Variants in MEIS1 observed in about 807,000 individuals in gnomAD.
MEIS1 encodes Meis homeobox 1.
MEIS1 carries 5 observed loss-of-function variants against 50.8 expected under a neutral mutation model. The ratio of observed to expected loss-of-function variants is 0.10; its 90% confidence interval spans 0.05 to 0.21. The LOEUF (loss-of-function observed/expected upper bound fraction) is 0.21, where lower values mean the gene tolerates loss of function less well. Ranked by LOEUF, MEIS1 falls within the 10% of genes least tolerant of loss-of-function variation. MEIS1 has a pLI of 1.00. For missense variants in MEIS1, 318 were observed against 517.3 expected, an observed-to-expected ratio of 0.61 and a Z score of 3.74; for synonymous variants, 176 against 179.3, an observed-to-expected ratio of 0.98 and a Z score of 0.15.
intron 8 of MEIS1, among the ~76,000 whole-genome samples, chr2:66,530,851 A>T (rs747932299): frequency 1.1e-4 from 16 of 152,230 alleles, no homozygotes; most frequent in Admixed American, 3.3e-4. Flanking sequence ...GGAAGTTAAC[A>T]TGCAGTTATT....
chr2:66,521,538 G>C (rs928878342), intron 8 of MEIS1, among the ~76,000 whole-genome samples: 1 of 152,154 alleles, frequency 6.6e-6, no homozygotes, highest in African/African-American at 2.4e-5. Flanking sequence ...CCACTCTGGG[G>C]TATGACACCG....
At position 66,439,930 on chromosome 2, in the gene MEIS1, G is replaced by A; in HGVS notation, c.327G>A (p.Gly109=). Residue 109 remains glycine, a synonymous_variant, in exon 3 of 13, where the codon GGG becomes GGA. Transcript: ENST00000272369. ...CTPREPGVAG[G]DVCSSESFNE... ...CCCGCGAGCCGGGGGTGGCGGGCGG[G>A]GACGTCTGCTCGTCAGAGTCATTCA... is the stretch of plus-strand genomic sequence containing the variant. 1 of 1,613,542 alleles carries A rather than the reference G, an allele frequency of 6.2e-7. No homozygotes were observed. Among genetic ancestry groups the A allele is most frequent in the Non-Finnish European group, 8.5e-7 (1 of 1,179,728 alleles).
At chr2:66,543,139 C>G (rs1024939597) in intron 8 of MEIS1, among the ~76,000 whole-genome samples, 1 of 152,134 alleles carries the variant, frequency 6.6e-6, no homozygotes, top group Non-Finnish European at 1.5e-5. Flanking sequence ...CTGTCACTTT[C>G]TATTTGCGGC....
intron 6 of MEIS1, among the ~76,000 whole-genome samples, chr2:66,460,289 G>A (rs1672488375): frequency 6.6e-6 from 1 of 152,162 alleles, no homozygotes; most frequent in Admixed American, 6.5e-5. Context: ...TCTCACTCAT[G>A]GAGGAGTCAG....
At chr2:66,451,943 T>C (rs1292579617) in intron 6 of MEIS1, among the ~76,000 whole-genome samples, 1 of 152,030 alleles carries the variant, frequency 6.6e-6, no homozygotes, top group Non-Finnish European at 1.5e-5. Flanking sequence ...AAAAAAGCTC[T>C]GTGTTTCATA....
intron 8 of MEIS1, among the ~76,000 whole-genome samples, chr2:66,526,867 T>C (rs1233555487): frequency 6.6e-6 from 1 of 152,168 alleles, no homozygotes; most frequent in African/African-American, 2.4e-5. Flanking sequence ...AATCAATTCA[T>C]TTACTTCTCT....
In MEIS1 at chr2:66,571,447, C is replaced by T. The variant is rs1214738360; in HGVS notation, c.*239C>T. On this transcript the variant is annotated 3_prime_UTR_variant, in exon 13 of 13. Transcript: ENST00000272369. The stretch of plus-strand genomic sequence containing the variant: ...GGAGGACCGCCCCACCCTGGAATGC[C>T]AATGTCAGCATCAAGCCCCACAGTT... The T allele has an allele frequency of 6.2e-7, 1 of 1,604,120 alleles. No individual in the cohort carries two copies. Among genetic ancestry groups the T allele is most frequent in the Admixed American group, 1.7e-5 (1 of 58,150 alleles).
At chr2:66,557,282 G>T (rs1675090570) in intron 9 of MEIS1, among the ~76,000 whole-genome samples, 1 of 152,266 alleles carries the variant, frequency 6.6e-6, no homozygotes, top group African/African-American at 2.4e-5. Context: ...GCTTTATTGA[G>T]ATATAATTCA....
In MEIS1 at chr2:66,542,793, C is replaced by CTTGG. The variant is rs558323575; in HGVS notation, c.889-5147_889-5144dup. ...GGTGAGGGAGGGGATGTTATTGAAA[C>CTTGG]TTGGTTACCAGGGTAGATAAGATAA... On this transcript the variant is annotated intron_variant, in intron 8 of 12. Transcript: ENST00000272369. Among the ~76,000 whole-genome samples, 262 of 152,240 alleles carry CTTGG rather than the reference C, an allele frequency of 1.7e-3. 1 individual carries two copies. The highest frequency in any genetic ancestry group is 6.0e-3 in the African/African-American group (251 of 41,538).
At position 66,549,666 on chromosome 2, in the gene MEIS1, C is replaced by T. The variant is rs996448294; in HGVS notation, c.965+1647C>T. On this transcript the variant is annotated intron_variant, in intron 9 of 12. Coordinates refer to ENST00000272369, the MANE Select transcript of MEIS1 (RefSeq NM_002398.3). ...ATACAATGGAGGCTGCACAAATGTC[C>T]GCATTTCCCTGGGAAGTGTTCCTGT... Among the ~76,000 whole-genome samples, 6 of 152,162 alleles carry T rather than the reference C, an allele frequency of 3.9e-5. No individual in the cohort carries two copies. In the East Asian group the frequency reaches 5.8e-4, roughly 15 times the overall value.
chr2:66,501,654 A>G (rs916733116), intron 7 of MEIS1, among the ~76,000 whole-genome samples: 20 of 147,432 alleles, frequency 1.4e-4, no homozygotes, highest in Admixed American at 1.2e-3. Context: ...ATGATTCAGA[A>G]AAAAAAAAAA....
In MEIS1 at chr2:66,435,791, T is replaced by C; in HGVS notation, c.-66T>C. 3 of 1,287,034 alleles carry C rather than the reference T, an allele frequency of 2.3e-6. No individual in the cohort carries two copies. In the South Asian group the frequency reaches 4.4e-5, roughly 19 times the overall value. The allele number at this position is 1,287,034 out of a possible 1,614,324, so 79.7% of individuals were successfully genotyped here. On this transcript the variant is annotated 5_prime_UTR_variant, in exon 1 of 13. Transcript: ENST00000272369. ...TTCCGGGGGAGTTTGAATATTTGTT[T>C]CTTTTCACACTGGCCTTAAAGAGGA...
intron 7 of MEIS1, among the ~76,000 whole-genome samples, chr2:66,482,061 C>T (rs1673030089): frequency 6.6e-6 from 1 of 151,856 alleles, no homozygotes; most frequent in Non-Finnish European, 1.5e-5. Context: ...GGGGTTTCAC[C>T]ATGTTGGCCA....
At chr2:66,519,444 T>C (rs1374502114) in intron 8 of MEIS1, among the ~76,000 whole-genome samples, 1 of 152,070 alleles carries the variant, frequency 6.6e-6, no homozygotes, top group East Asian at 1.9e-4. Flanking sequence ...TTGGCTAGCC[T>C]CTGTGGACTT....
At chr2:66,486,208 T>A (rs2103796089) in intron 7 of MEIS1, among the ~76,000 whole-genome samples, 1 of 152,354 alleles carries the variant, frequency 6.6e-6, no homozygotes, top group East Asian at 1.9e-4. Flanking sequence ...CTAGGTTTTC[T>A]TCTAGGGTTT....
chr2:66,472,587 G>T (rs1672787818), intron 7 of MEIS1, among the ~76,000 whole-genome samples: 1 of 152,184 alleles, frequency 6.6e-6, no homozygotes, highest in South Asian at 2.1e-4. Context: ...TTCTTAGGGA[G>T]CCGTGAGTGT....
At chr2:66,527,740 T>C (rs954367985) in intron 8 of MEIS1, among the ~76,000 whole-genome samples, 5 of 151,982 alleles carry the variant, frequency 3.3e-5, no homozygotes, top group Non-Finnish European at 4.4e-5. Flanking sequence ...GTTTCCATGA[T>C]ATGATGACTT....
At position 66,517,909 on chromosome 2, in the gene MEIS1, C is replaced by T. The variant is rs547481796; in HGVS notation, c.888+5615C>T. Reference sequence around the variant, plus strand: ...TCTTAGGTCAGGTAAACTGAAAAGGCTACAGCTGGAATTCTTCACCCAGAA... The same window carrying T: ...TCTTAGGTCAGGTAAACTGAAAAGGTTACAGCTGGAATTCTTCACCCAGAA... On this transcript the variant is annotated intron_variant, in intron 8 of 12. Transcript: ENST00000272369. 2.0e-5 allele frequency among the ~76,000 whole-genome samples: 3 copies of T among 152,278 alleles called. No individual in the cohort carries two copies. The South Asian group carries it at 6.2e-4, about 32-fold the overall frequency.
rs747871060 is a variant in MEIS1, at chr2:66,439,919, G to A, written c.316G>A (p.Val106Met). The A allele has an allele frequency of 6.2e-7, 1 of 1,613,790 alleles. No homozygotes were observed. Among genetic ancestry groups the A allele is most frequent in the Non-Finnish European group, 8.5e-7 (1 of 1,179,806 alleles). Residue 106 changes from valine to methionine, a missense_variant, in exon 3 of 13, where the codon GTG (valine) becomes ATG (methionine). Physicochemically the swap from Val to Met is conservative, Grantham distance 21. Transcript: ENST00000272369. ...TACTTGTACCCCCCGCGAGCCGGGG[G>A]TGGCGGGCGGGGACGTCTGCTCGTC... ...LATCTPREPGVAGGDVCSSES... is the reference protein window; with the variant it reads ...LATCTPREPGMAGGDVCSSES...
Sources: allele counts gnomAD v4.1 joint callset (sites outside exome capture counted in the v4.1 genomes callset), GRCh38; gene constraint gnomAD v4.1.1; transcripts MANE v1.5; gene names NCBI Gene and HGNC (gene_info 2026-07-23, HGNC 2026-07-21).